ZNF438: variants seen among roughly 807,000 people sequenced by gnomAD.
The protein encoded by ZNF438 is zinc finger protein 438.
A neutral mutation model predicts 38.0 loss-of-function variants in ZNF438; 25 were observed. That is an observed-to-expected ratio of 0.66 (90% CI 0.48 to 0.92). ZNF438 has a LOEUF of 0.92. Ranked by LOEUF, ZNF438 falls within the 40% of genes least tolerant of loss-of-function variation. The probability of loss-of-function intolerance (pLI) is 0.00; values close to 1 mark genes in which losing one functional copy is unlikely to be tolerated. For missense variants in ZNF438, 1,007 were observed against 999.6 expected (o/e 1.01, Z -0.10); for synonymous variants, 372 against 364.1 (o/e 1.02, Z -0.25).
exon 5 of ZNF438, chr10:30,848,795 C>T (rs765565068): frequency 6.2e-7 from 1 of 1,614,202 alleles, no homozygotes; most frequent in Non-Finnish European, 8.5e-7. Context: ...ACAAATCCGA[C>T]AACTGTAAGG....
chr10:30,953,475 G>T (rs1321609266), intron 1 of ZNF438, among the ~76,000 whole-genome samples: 2 of 151,134 alleles, frequency 1.3e-5, no homozygotes, highest in Non-Finnish European at 2.9e-5. Context: ...TAATCATTAA[G>T]AAAACTGGAG....
intron 2 of ZNF438, among the ~76,000 whole-genome samples, chr10:30,911,126 A>G (rs2043037326): frequency 6.6e-6 from 1 of 152,186 alleles, no homozygotes; most frequent in Non-Finnish European, 1.5e-5. Context: ...TATAATTTCA[A>G]ATGAGAACAT....
intron 1 of ZNF438, among the ~76,000 whole-genome samples, chr10:31,017,847 C>T (rs1046630263): frequency 2.0e-5 from 3 of 152,154 alleles, no homozygotes; most frequent in Admixed American, 6.5e-5. Flanking sequence ...GTACCACTTC[C>T]AAGACACTGG....
chr10:31,027,863 T>A (rs913695815), intron 1 of ZNF438, among the ~76,000 whole-genome samples: 12 of 152,114 alleles, frequency 7.9e-5, no homozygotes, highest in African/African-American at 2.9e-4. Context: ...AATATAATTT[T>A]ATATATTTTT....
intron 3 of ZNF438, among the ~76,000 whole-genome samples, chr10:30,882,739 C>T (rs757956951): frequency 1.3e-5 from 2 of 152,030 alleles, no homozygotes; most frequent in Admixed American, 1.3e-4. Flanking sequence ...CAACATATAC[C>T]CATCCATCGA....
At chr10:30,993,411 G>A (rs1007406121) in intron 1 of ZNF438, among the ~76,000 whole-genome samples, 4 of 152,276 alleles carry the variant, frequency 2.6e-5, no homozygotes, top group Middle Eastern at 3.4e-3. Context: ...CCCCAGTCAT[G>A]ACCCAAGTAG....
intron 3 of ZNF438, among the ~76,000 whole-genome samples, chr10:30,887,695 C>G (rs61187463): frequency 0.084 from 12,711 of 152,208 alleles, 608 homozygotes; most frequent in Non-Finnish European, 0.11. Flanking sequence ...GCCTAAACTC[C>G]TCTTTCAAAG....
In ZNF438 at chr10:30,844,787, G is replaced by A. The variant is rs550751088; in HGVS notation, c.*174C>T. 59 of 793,826 alleles carry A rather than the reference G, an allele frequency of 7.4e-5. 1 individual carries two copies. The South Asian group carries it at 1.0e-3, about 13-fold the overall frequency. The allele number at this position is 793,826 out of a possible 1,614,324, so 49.2% of individuals were successfully genotyped here. The stretch of plus-strand genomic sequence containing the variant: ...GCATATAGTTAGAAAAATATGCTTC[G>A]AGAGCTTATATTTTATTTCGTTAAG... On this transcript the variant is annotated 3_prime_UTR_variant, in exon 6 of 6. Coordinates refer to ENST00000413025, the Ensembl canonical transcript of ZNF438.
chr10:30,945,386 T>C (rs928841420), intron 1 of ZNF438, among the ~76,000 whole-genome samples: 45 of 102,892 alleles, frequency 4.4e-4, no homozygotes, highest in African/African-American at 1.3e-3. Flanking sequence ...TGGATTCTTT[T>C]ACTTTTTTTT....
At position 30,845,224 on chromosome 10, in the gene ZNF438, C is replaced by A; in HGVS notation, c.2224G>T (p.Glu742Ter). ...GTTCCTGACTGGGGTCCTTCATTTT[C>A]CATGAGCATTTCCACGCCATTCTGA... Residue 742 changes from glutamate to a stop codon, truncating the protein, a stop_gained, in exon 6 of 6, where the codon GAA becomes TAA. Coordinates refer to ENST00000413025, the Ensembl canonical transcript of ZNF438. LOFTEE classifies it low-confidence loss of function (END_TRUNC). 1 of 1,614,160 alleles carries A rather than the reference C, an allele frequency of 6.2e-7. No homozygotes were observed. Among genetic ancestry groups the A allele is most frequent in the Non-Finnish European group, 8.5e-7 (1 of 1,180,042 alleles).
Position 30,850,138 on chromosome 10 carries a change from C to T in ZNF438, c.267G>A (p.Glu89=), listed in dbSNP as rs1227423496. ...GCAGAGCAACAAGAGAAAATGTCCC[C>T]TCCTGGCCAGCAACCTGCATCAGGG... The change falls in exon 5 of 6, where the codon GAG becomes GAA. Residue 89 remains glutamate (E), a synonymous_variant. Coordinates refer to ENST00000413025, the Ensembl canonical transcript of ZNF438. 5.0e-6 allele frequency: 8 copies of T among 1,614,080 alleles called. No individual in the cohort carries two copies. The East Asian group carries it at 1.6e-4, about 31-fold the overall frequency.
At chr10:30,913,207 A>C (rs9416938) in intron 2 of ZNF438, among the ~76,000 whole-genome samples, 118,112 of 151,814 alleles carry the variant, frequency 0.78, 46,748 homozygotes, top group African/African-American at 0.89. Context: ...TTTGTTTCTC[A>C]TTGGTCTTAG....
intron 1 of ZNF438, among the ~76,000 whole-genome samples, chr10:31,030,026 C>T (rs2057183409): frequency 6.6e-6 from 1 of 152,192 alleles, no homozygotes; most frequent in Non-Finnish European, 1.5e-5. Flanking sequence ...GTTGCCTCAT[C>T]TATGAAAGGG....
chr10:30,853,539 A>G (rs575698891), intron 4 of ZNF438, among the ~76,000 whole-genome samples: 10 of 151,906 alleles, frequency 6.6e-5, no homozygotes, highest in Non-Finnish European at 1.3e-4. Context: ...CACCCAAGAC[A>G]CTCTTCCCTC....
At chr10:30,932,625 C>A (rs1032967278) in intron 2 of ZNF438, among the ~76,000 whole-genome samples, 19 of 152,128 alleles carry the variant, frequency 1.2e-4, no homozygotes, top group Non-Finnish European at 2.2e-4. Flanking sequence ...AGGAACCCTG[C>A]CCTTAACCAT....
At chr10:31,015,473 G>A (rs371389578) in intron 1 of ZNF438, among the ~76,000 whole-genome samples, 33 of 152,024 alleles carry the variant, frequency 2.2e-4, no homozygotes, top group African/African-American at 5.8e-4. Context: ...GTGAAACCCC[G>A]TCTCTACTAA....
At chr10:30,891,893 A>C (rs1385426245) in intron 3 of ZNF438, among the ~76,000 whole-genome samples, 2 of 152,220 alleles carry the variant, frequency 1.3e-5, no homozygotes, top group African/African-American at 2.4e-5. Flanking sequence ...TCCAATGCTA[A>C]CAGAATGTTC....
intron 2 of ZNF438, among the ~76,000 whole-genome samples, chr10:30,910,078 C>A (rs1014773676): frequency 1.3e-5 from 2 of 152,186 alleles, no homozygotes; most frequent in African/African-American, 4.8e-5. Context: ...GAAAAGCAAG[C>A]TCCTGAAGCT....
chr10:30,945,382 C>G (rs954166276), intron 1 of ZNF438, among the ~76,000 whole-genome samples: 1 of 110,522 alleles, frequency 9.0e-6, no homozygotes, highest in African/African-American at 2.9e-5. Flanking sequence ...TCTTTGGATT[C>G]TTTTACTTTT....
Sources: gnomAD v4.1 joint callset for allele counts (sites outside exome capture counted in the v4.1 genomes callset) on GRCh38, gnomAD v4.1.1 for gene constraint, MANE v1.5 for transcripts, NCBI Gene and HGNC (gene_info 2026-07-23, HGNC 2026-07-21) for gene names.